XYLT1: variants seen among roughly 807,000 people sequenced by gnomAD.
XYLT1 encodes the protein xylosyltransferase 1.
A neutral mutation model predicts 91.3 loss-of-function variants in XYLT1; 36 were observed. The observed-to-expected ratio is 0.39, with a 90% confidence interval of 0.30 to 0.52. The LOEUF is 0.52. Ranked by LOEUF, XYLT1 falls within the 20% of genes least tolerant of loss-of-function variation. XYLT1 has a pLI of 0.68. For missense variants in XYLT1, 1,242 were observed against 1,284.5 expected (o/e 0.97, Z 0.51); for synonymous variants, 588 against 532.0 (o/e 1.11, Z -1.45).
chr16:17,201,771 C>T lies in XYLT1; in HGVS notation c.914-1117G>A, dbSNP rs553391116. ...GATTACAGACGTGAGCCACTGTGCC[C>T]GGTGAGAGGTTCTTTTTCTGTTACA... On this transcript the variant is annotated intron_variant, in intron 3 of 11. Coordinates refer to ENST00000261381, the MANE Select transcript of XYLT1 (RefSeq NM_022166.4). Among the ~76,000 whole-genome samples the T allele has an allele frequency of 5.9e-5, 9 of 152,142 alleles. 1 individual carries two copies. In the South Asian group the frequency reaches 1.5e-3, roughly 25 times the overall value.
intron 1 of XYLT1, among the ~76,000 whole-genome samples, chr16:17,468,000 G>A (rs2036922553): frequency 6.6e-6 from 1 of 152,184 alleles, no homozygotes; most frequent in African/African-American, 2.4e-5. Flanking sequence ...CATCATCCTG[G>A]CAGCCTCCGC....
intron 6 of XYLT1, among the ~76,000 whole-genome samples, chr16:17,149,519 T>C (rs2031231020): frequency 6.6e-6 from 1 of 152,238 alleles, no homozygotes; most frequent in South Asian, 2.1e-4. Context: ...TCCTTCAGCA[T>C]AAGTACAACC....
At chr16:17,271,093 G>C (rs906336108) in intron 2 of XYLT1, among the ~76,000 whole-genome samples, 2 of 152,186 alleles carry the variant, frequency 1.3e-5, no homozygotes, top group Admixed American at 6.5e-5. Context: ...GTCTGTTTTG[G>C]AACAAAATGC....
intron 5 of XYLT1, among the ~76,000 whole-genome samples, chr16:17,194,460 T>G (rs8050838): frequency 0.27 from 40,446 of 152,162 alleles, 5,731 homozygotes; most frequent in South Asian, 0.45. Flanking sequence ...TAGGCTGGCA[T>G]GACCTCTGAG....
Position 17,328,548 on chromosome 16 carries a change from C to CA in XYLT1, c.402+29463dup, listed in dbSNP as rs71373105. 5.0e-3 allele frequency among the ~76,000 whole-genome samples: 254 copies of CA among 51,214 alleles called. 39 individuals are homozygous for CA. The highest frequency in any genetic ancestry group is 0.046 in the East Asian group (32 of 694). The allele number at this position is 51,214 out of a possible 152,430, so 33.6% of individuals were successfully genotyped here. A position where few individuals can be genotyped will look rare whatever the true frequency, so the allele number is the denominator to read the frequency against. ...TGGGTGACTGAGCAAGACTCCTTCT[C>CA]AAAAAAAAAAAAAAAAAAAAAAAAA... On this transcript the variant is annotated intron_variant, in intron 2 of 11. Coordinates refer to ENST00000261381, the MANE Select transcript of XYLT1 (RefSeq NM_022166.4).
intron 5 of XYLT1, among the ~76,000 whole-genome samples, chr16:17,186,446 G>C (rs1597177192): frequency 6.7e-6 from 1 of 149,256 alleles, no homozygotes; most frequent in Non-Finnish European, 1.5e-5. Flanking sequence ...CGTTACAGGG[G>C]TGCACCACCA....
chr16:17,307,375 G>A (rs1190588201), intron 2 of XYLT1, among the ~76,000 whole-genome samples: 4 of 152,158 alleles, frequency 2.6e-5, no homozygotes, highest in East Asian at 1.9e-4. Flanking sequence ...ATGCCTGGCC[G>A]AGTCTGCAGT....
At chr16:17,435,227 T>G (rs933453950) in intron 1 of XYLT1, among the ~76,000 whole-genome samples, 2 of 152,218 alleles carry the variant, frequency 1.3e-5, no homozygotes, top group African/African-American at 4.8e-5. Flanking sequence ...GGATCTGTCC[T>G]GGAAGCACGC....
At chr16:17,388,460 C>T (rs765572210) in intron 1 of XYLT1, among the ~76,000 whole-genome samples, 4 of 152,094 alleles carry the variant, frequency 2.6e-5, no homozygotes, top group Non-Finnish European at 5.9e-5. Context: ...GGAACAAGCA[C>T]GGTCTCTGGG....
At chr16:17,190,376 T>C (rs565518730) in intron 5 of XYLT1, among the ~76,000 whole-genome samples, 4 of 152,204 alleles carry the variant, frequency 2.6e-5, no homozygotes, top group Non-Finnish European at 4.4e-5. Flanking sequence ...ACATGTGCCA[T>C]GTTGGTGTGC....
In XYLT1 at chr16:17,326,830, C is replaced by CA. The variant is rs147563392; in HGVS notation, c.402+31181dup. Among the ~76,000 whole-genome samples, 445 of 145,670 alleles carry CA rather than the reference C, an allele frequency of 3.1e-3. 4 individuals are homozygous for CA. Among genetic ancestry groups the CA allele is most frequent in the African/African-American group, 9.1e-3 (359 of 39,644 alleles). ...ACAGAGTGAGACTCCATCTCAAAAACAAAAAAAAACAAAAAAAACAAAAAC... is the reference window on the plus strand; with the variant it reads ...ACAGAGTGAGACTCCATCTCAAAAACAAAAAAAAAACAAAAAAAACAAAAAC... On this transcript the variant is annotated intron_variant, in intron 2 of 11. Transcript: ENST00000261381.
Position 17,166,515 on chromosome 16 carries a change from C to CT in XYLT1, c.1290-7607dup, listed in dbSNP as rs369535545. ...TGGGAAGGGCTCAGTCCATCATTCA[C>CT]TTTTTTTTTTTTTTGAGGTAGAGTC... On this transcript the variant is annotated intron_variant, in intron 5 of 11. Transcript: ENST00000261381. Among the ~76,000 whole-genome samples, 721 of 144,310 alleles carry CT rather than the reference C, an allele frequency of 5.0e-3. 1 individual carries two copies. The highest frequency in any genetic ancestry group is 7.5e-3 in the South Asian group (34 of 4,528). The allele number at this position is 144,310 out of a possible 152,430, so 94.7% of individuals were successfully genotyped here. A position where few individuals can be genotyped will look rare whatever the true frequency, so the allele number is the denominator to read the frequency against.
intron 1 of XYLT1, among the ~76,000 whole-genome samples, chr16:17,408,950 G>T (rs188226525): frequency 1.3e-5 from 2 of 152,208 alleles, no homozygotes; most frequent in Non-Finnish European, 2.9e-5. Flanking sequence ...TGTTCTGAGC[G>T]CAAAGGCCAG....
At chr16:17,422,331 C>T (rs62030323) in intron 1 of XYLT1, among the ~76,000 whole-genome samples, 10,628 of 151,650 alleles carry the variant, frequency 0.07, 405 homozygotes, top group Middle Eastern at 0.12. Context: ...TGAGTGGCTG[C>T]GACTACAGGT....
chr16:17,335,759 CTGT>C (rs1421490960), intron 2 of XYLT1, among the ~76,000 whole-genome samples: 1 of 150,738 alleles, frequency 6.6e-6, no homozygotes, highest in Non-Finnish European at 1.5e-5. Flanking sequence ...CATGTAATGT[CTGT>C]TGTTTTATTT....
chr16:17,302,886 T>C (rs2034417061), intron 2 of XYLT1, among the ~76,000 whole-genome samples: 1 of 151,998 alleles, frequency 6.6e-6, no homozygotes. Context: ...ACCTTGGGTC[T>C]AGAATGGGTG....
chr16:17,254,628 C>T (rs2033600035), intron 3 of XYLT1, among the ~76,000 whole-genome samples: 2 of 152,202 alleles, frequency 1.3e-5, no homozygotes, highest in South Asian at 2.1e-4. Context: ...CTGATGACCT[C>T]GGGTGATCCA....
chr16:17,362,084 T>A (rs1245547973), intron 1 of XYLT1, among the ~76,000 whole-genome samples: 1 of 152,186 alleles, frequency 6.6e-6, no homozygotes, highest in Non-Finnish European at 1.5e-5. Flanking sequence ...CCCAGCATCT[T>A]ACACTGGAGA....
intron 3 of XYLT1, among the ~76,000 whole-genome samples, chr16:17,256,610 A>C (rs2033635268): frequency 6.7e-6 from 1 of 149,630 alleles, no homozygotes; most frequent in Admixed American, 6.8e-5. Flanking sequence ...AGATCATGCC[A>C]CTGCACTCCA....
Sources: allele counts gnomAD v4.1 joint callset (sites outside exome capture counted in the v4.1 genomes callset), GRCh38; gene constraint gnomAD v4.1.1; transcripts MANE v1.5; gene names NCBI Gene and HGNC (gene_info 2026-07-23, HGNC 2026-07-21).